The following LRRIQ1 variants were observed in gnomAD, a reference collection of about 807,000 sequenced individuals.
The protein encoded by LRRIQ1 is leucine-rich repeat- and IQ domain-containing protein 1.
LRRIQ1 carries 210 observed loss-of-function variants against 211.9 expected under a neutral mutation model. That is an observed-to-expected ratio of 0.99 (90% confidence interval 0.89 to 1.11). The LOEUF is 1.11. LRRIQ1 is among the 50% of genes most tolerant of loss of function. The pLI is 0.00. For synonymous variants in LRRIQ1, 699 were observed against 650.1 expected (o/e 1.08, Z -1.14); for missense variants, 2,136 against 1,939.5 (o/e 1.10, Z -1.90).
In LRRIQ1 at chr12:85,056,175, T is replaced by C. The variant is rs1261313750; in HGVS notation, c.1382T>C (p.Ile461Thr). The C allele has an allele frequency of 1.1e-5, 18 of 1,583,926 alleles. No homozygotes were observed. Among genetic ancestry groups the C allele is most frequent in the Admixed American group, 3.9e-5 (2 of 51,520 alleles). Residue 461 changes from isoleucine to threonine, a missense_variant, in exon 8 of 27, where the codon ATA (isoleucine) becomes ACA (threonine). Physicochemically the swap from Ile to Thr is moderately conservative, Grantham distance 89. Transcript: ENST00000393217. ...VDRQTILKES[I>T]QVKLKESISS... Reference sequence around the variant, plus strand: ...AGACAGACTATATTAAAAGAATCAATACAAGTAAAGTTAAAAGAATCTATA... The same window carrying C: ...AGACAGACTATATTAAAAGAATCAACACAAGTAAAGTTAAAAGAATCTATA...
intron 8 of LRRIQ1, among the ~76,000 whole-genome samples, chr12:85,064,432 G>A (rs1210387865): frequency 2.0e-5 from 3 of 151,804 alleles, no homozygotes; most frequent in Non-Finnish European, 4.4e-5. Flanking sequence ...TCCCTTGTCA[G>A]ATGGATAGTT....
intron 23 of LRRIQ1, among the ~76,000 whole-genome samples, chr12:85,156,808 C>G (rs182377189): frequency 1.3e-5 from 2 of 151,540 alleles, no homozygotes; most frequent in African/African-American, 4.8e-5. Flanking sequence ...ACTAGATCTA[C>G]GGGAGTGGGG....
At chr12:85,065,603 A>C (rs145644514) in intron 9 of LRRIQ1, among the ~76,000 whole-genome samples, 189 bp downstream of exon 9, 1 of 151,952 alleles carries the variant, frequency 6.6e-6, no homozygotes, top group African/African-American at 2.4e-5. Context: ...GATACAACCT[A>C]AAATGACCTA....
At chr12:85,214,020 T>C (rs1487435339) in intron 24 of LRRIQ1, among the ~76,000 whole-genome samples, 1 of 151,926 alleles carries the variant, frequency 6.6e-6, no homozygotes, top group Non-Finnish European at 1.5e-5. Flanking sequence ...GTCAATGCAT[T>C]TGAAAATTTA....
intron 14 of LRRIQ1, 70 bp from the exon 15 acceptor site, chr12:85,106,445 AATACAGT>A: frequency 1.0e-6 from 1 of 1,002,490 alleles, no homozygotes; most frequent in Non-Finnish European, 1.5e-6. Context: ...CAAACCAGTA[AATACAGT>A]GGTCATAGAT....
At chr12:85,087,974 C>A (rs143531226) in intron 11 of LRRIQ1, among the ~76,000 whole-genome samples, 288 of 152,236 alleles carry the variant, frequency 1.9e-3, no homozygotes, top group Non-Finnish European at 3.1e-3. Flanking sequence ...TCAATTTTGG[C>A]TTTTGTTGCC....
At chr12:85,202,342 T>C (rs182467577) in intron 24 of LRRIQ1, among the ~76,000 whole-genome samples, 62 of 152,256 alleles carry the variant, frequency 4.1e-4, no homozygotes, top group African/African-American at 1.5e-3. Context: ...CAGATATCTT[T>C]GTTTTCTGCC....
At chr12:85,036,800 C>T (rs1878161385) in intron 1 of LRRIQ1, among the ~76,000 whole-genome samples, 2 of 150,562 alleles carry the variant, frequency 1.3e-5, no homozygotes, top group Non-Finnish European at 3.0e-5. Flanking sequence ...GTAGATTTCT[C>T]TCCCCTTTCT....
chr12:85,120,704 A>T (rs1050213890), intron 15 of LRRIQ1, among the ~76,000 whole-genome samples: 1 of 152,108 alleles, frequency 6.6e-6, no homozygotes, highest in African/African-American at 2.4e-5. Context: ...TTCATCTTGG[A>T]TATCTTTCAT....
At chr12:85,156,565 TGA>T (rs1890558827) in intron 23 of LRRIQ1, among the ~76,000 whole-genome samples, 1 of 79,538 alleles carries the variant, frequency 1.3e-5, no homozygotes, top group South Asian at 3.9e-4. Flanking sequence ...AATCGATCTG[TGA>T]TATACCATTA....
chr12:85,212,329 G>GAA (rs907540463), intron 24 of LRRIQ1, among the ~76,000 whole-genome samples: 1 of 150,978 alleles, frequency 6.6e-6, no homozygotes, highest in African/African-American at 2.4e-5. Flanking sequence ...GAAAAGAAAA[G>GAA]AAAAAAAACA....
At chr12:85,104,316 A>G (rs919152038) in intron 14 of LRRIQ1, among the ~76,000 whole-genome samples, 18 of 151,998 alleles carry the variant, frequency 1.2e-4, no homozygotes, top group African/African-American at 4.1e-4. Flanking sequence ...TAAAAGTCAT[A>G]CATCTTTTAC....
At chr12:85,052,123 CATA>C (rs1172472251) in intron 6 of LRRIQ1, 51 bp from the exon 7 acceptor site, 3 of 966,196 alleles carry the variant, frequency 3.1e-6, no homozygotes, top group East Asian at 2.7e-5. Flanking sequence ...ATATAATTAA[CATA>C]ATATTTTTGA....
chr12:85,167,328 G>A (rs530843941), intron 24 of LRRIQ1, among the ~76,000 whole-genome samples: 2 of 152,094 alleles, frequency 1.3e-5, no homozygotes, highest in Admixed American at 6.6e-5. Flanking sequence ...TGACTAACAC[G>A]ATCACAGAGT....
At chr12:85,272,406 C>T in the LRRIQ1 span, among the ~76,000 whole-genome samples, 1 of 152,142 alleles carries the variant, frequency 6.6e-6, no homozygotes, top group East Asian at 1.9e-4. Flanking sequence ...CTGTGTACCT[C>T]TCCCCAAAAA....
chr12:85,228,141 G>A (rs1272904991), intron 24 of LRRIQ1, among the ~76,000 whole-genome samples: 5 of 152,098 alleles, frequency 3.3e-5, no homozygotes, highest in Non-Finnish European at 7.4e-5. Flanking sequence ...AACACCAAAA[G>A]CAATGGCAAC....
chr12:85,115,710 G>A (rs1384394089), intron 15 of LRRIQ1, among the ~76,000 whole-genome samples: 1 of 152,028 alleles, frequency 6.6e-6, no homozygotes, highest in Non-Finnish European at 1.5e-5. Context: ...TCTGGTATCA[G>A]TTTCCATCTG....
intron 24 of LRRIQ1, among the ~76,000 whole-genome samples, chr12:85,168,498 T>A: frequency 6.6e-6 from 1 of 152,150 alleles, no homozygotes; most frequent in East Asian, 1.9e-4. Flanking sequence ...TTGTATCTCC[T>A]GGTGGCAGCA....
intron 11 of LRRIQ1, among the ~76,000 whole-genome samples, chr12:85,096,400 G>GC (rs1486604959): frequency 6.6e-6 from 1 of 151,990 alleles, no homozygotes; most frequent in Admixed American, 6.6e-5. Context: ...GTAAATTTCT[G>GC]CCTTAATTTT....
Sources: gnomAD v4.1 joint callset for allele counts (sites outside exome capture counted in the v4.1 genomes callset) on GRCh38, gnomAD v4.1.1 for gene constraint, MANE v1.5 for transcripts, NCBI Gene and HGNC (gene_info 2026-07-23, HGNC 2026-07-21) for gene names.